The following ETV7 variants were observed in gnomAD, a reference collection of about 807,000 sequenced individuals.
ETV7 encodes the protein transcription factor ETV7.
A neutral mutation model predicts 39.1 loss-of-function variants in ETV7; 43 were observed. That is an observed-to-expected ratio of 1.10 (90% CI 0.86 to 1.42). ETV7 has a LOEUF of 1.42. Ranked by LOEUF, ETV7 falls within the 40% of genes most tolerant of loss-of-function variation. ETV7 has a pLI of 0.00. For missense variants in ETV7, 432 were observed against 442.3 expected (o/e 0.98, Z 0.21); for synonymous variants, 196 against 176.6 (o/e 1.11, Z -0.87).
chr6:36,366,813 G>A, intron 7 of ETV7, 51 bp from the exon 8 acceptor site: 1 of 1,612,836 alleles, frequency 6.2e-7, no homozygotes, highest in East Asian at 2.2e-5. Flanking sequence ...GCTGCAGGGG[G>A]ATTCCAGCCC....
At chr6:36,363,091 C>T (rs1462589152), downstream of ETV7, among the ~76,000 whole-genome samples, 2 of 150,486 alleles carry the variant, frequency 1.3e-5, no homozygotes, top group African/African-American at 5.0e-5. Context: ...TTTCGACAGT[C>T]CCTCCTAAGC....
intron 5 of ETV7, among the ~76,000 whole-genome samples, chr6:36,370,147 G>T (rs1195286336): frequency 6.6e-6 from 1 of 152,142 alleles, no homozygotes; most frequent in Non-Finnish European, 1.5e-5. Flanking sequence ...CCACTCTGTG[G>T]CTTCATAGAA....
intron 6 of ETV7, among the ~76,000 whole-genome samples, chr6:36,367,265 A>G (rs1772773651): frequency 6.6e-6 from 1 of 152,168 alleles, no homozygotes; most frequent in Admixed American, 6.5e-5. Context: ...CAACATGGTG[A>G]AACCCTGTCT....
At chr6:36,356,537 C>A (rs770237602) in intron 7 of ETV7, among the ~76,000 whole-genome samples, 3 of 152,132 alleles carry the variant, frequency 2.0e-5, no homozygotes, top group Non-Finnish European at 4.4e-5. Flanking sequence ...TGGCAGAAGA[C>A]ACAGCTGCCA....
exon 8 of ETV7, chr6:36,354,614 T>C: frequency 1.4e-6 from 1 of 693,332 alleles, no homozygotes; most frequent in Admixed American, 2.1e-5. Flanking sequence ...TTTGTTTTTC[T>C]TTCCAAGACT....
intron 7 of ETV7, among the ~76,000 whole-genome samples, chr6:36,357,011 A>G (rs1401288560): frequency 6.6e-6 from 1 of 152,216 alleles, no homozygotes; most frequent in Non-Finnish European, 1.5e-5. Context: ...TGGAGTTTTG[A>G]TGGGAAGTTG....
chr6:36,375,734 C>T (rs989766275), intron 3 of ETV7, 137 bp downstream of exon 3: 3 of 1,363,164 alleles, frequency 2.2e-6, no homozygotes, highest in Non-Finnish European at 2.0e-6. Context: ...TGCAGAGGGG[C>T]ATCTGCAGTG....
chr6:36,372,266 A>T (rs1009670352), intron 4 of ETV7, among the ~76,000 whole-genome samples: 1 of 152,104 alleles, frequency 6.6e-6, no homozygotes, highest in Non-Finnish European at 1.5e-5. Flanking sequence ...AGCATCTCAG[A>T]CTTGTCCAGT....
downstream of ETV7, among the ~76,000 whole-genome samples, chr6:36,363,582 A>G (rs779993883): frequency 5.9e-5 from 9 of 152,256 alleles, no homozygotes; most frequent in African/African-American, 2.2e-4. Context: ...GAGCAAAAGA[A>G]CAAAGCTCCC....
At chr6:36,369,883 C>T (rs1772922597) in intron 5 of ETV7, among the ~76,000 whole-genome samples, 1 of 149,004 alleles carries the variant, frequency 6.7e-6, no homozygotes, top group Non-Finnish European at 1.5e-5. Flanking sequence ...TCCAGCCTGG[C>T]AACAGAGTGA....
At chr6:36,371,653 C>A (rs1315857884) in intron 4 of ETV7, 93 bp from the exon 5 acceptor site, 6 of 1,124,186 alleles carry the variant, frequency 5.3e-6, no homozygotes, top group African/African-American at 1.5e-5. Context: ...CCCTGTGGGG[C>A]AGCACTCCTG....
intron 2 of ETV7, among the ~76,000 whole-genome samples, chr6:36,376,294 C>T (rs1301764320): frequency 6.6e-6 from 1 of 152,164 alleles, no homozygotes; most frequent in Non-Finnish European, 1.5e-5. Context: ...TTGGTACCTC[C>T]CCACCACCTG....
chr6:36,376,653 G>A (rs2127396140), intron 2 of ETV7, among the ~76,000 whole-genome samples: 1 of 152,218 alleles, frequency 6.6e-6, no homozygotes. Context: ...GCATGCACCT[G>A]TAGTCCCAGC....
chr6:36,375,881 C>T lies in ETV7; in HGVS notation c.297G>A (p.Ala99=), dbSNP rs138350746. 236 of 1,614,044 alleles carry T rather than the reference C, an allele frequency of 1.5e-4. No individual in the cohort carries two copies. The highest frequency in any genetic ancestry group is 4.9e-4 in the Middle Eastern group (3 of 6,062). Reference sequence around the variant, plus strand: ...GTGCGTTTCCCTGACCTGAGCTGGGCGCACGGTGCCGGAAGTCGTCCTTGG... The same window carrying T: ...GTGCGTTTCCCTGACCTGAGCTGGGTGCACGGTGCCGGAAGTCGTCCTTGG... The part of the protein sequence containing the change: ...ILTKDDFRHR[A]PSSGDVLYEL... Residue 99 remains alanine (A), a synonymous_variant, in exon 3 of 8, where the codon GCG becomes GCA. Transcript: ENST00000340181.
chr6:36,377,255 G>A (rs1773423959), intron 2 of ETV7, among the ~76,000 whole-genome samples: 1 of 152,172 alleles, frequency 6.6e-6, no homozygotes, highest in Non-Finnish European at 1.5e-5. Context: ...GAGCCCAGGA[G>A]TTTGAGACCA....
Position 36,373,594 on chromosome 6 carries a change from A to T in ETV7, c.308-16T>A. 11 of 357,920 alleles carry T rather than the reference A, an allele frequency of 3.1e-5. No homozygotes were observed. The highest frequency in any genetic ancestry group is 6.3e-5 in the African/African-American group (2 of 31,828). The allele number at this position is 357,920 out of a possible 1,614,324, so 22.2% of individuals were successfully genotyped here. A position where few individuals can be genotyped will look rare whatever the true frequency, so the allele number is the denominator to read the frequency against. ...AGGACGTCACCTGGAGGTGGGTGGG[A>T]GGGAGGGCAGGCTGCTGAACAGGCC... is the stretch of plus-strand genomic sequence containing the variant. On this transcript the variant is annotated splice_polypyrimidine_tract_variant and intron_variant, in intron 3 of 7. Coordinates refer to ENST00000340181, the MANE Select transcript of ETV7 (RefSeq NM_016135.4).
At chr6:36,376,328 G>C (rs1483308069) in intron 2 of ETV7, among the ~76,000 whole-genome samples, 1 of 152,214 alleles carries the variant, frequency 6.6e-6, no homozygotes, top group Non-Finnish European at 1.5e-5. Flanking sequence ...CATTCAACAA[G>C]TGTTTAACGA....
At chr6:36,387,513 G>A in intron 1 of ETV7, 23 bp downstream of exon 1, 1 of 1,614,068 alleles carries the variant, frequency 6.2e-7, no homozygotes, top group Non-Finnish European at 8.5e-7. Context: ...TGCGCGCTGC[G>A]TGTTCAGCCG....
chr6:36,383,668 A>G (rs1199231285), intron 2 of ETV7, among the ~76,000 whole-genome samples: 1 of 152,204 alleles, frequency 6.6e-6, no homozygotes, highest in Non-Finnish European at 1.5e-5. Flanking sequence ...GAAAAGTCGA[A>G]TCTTCATTTG....
Sources: allele counts gnomAD v4.1 joint callset (sites outside exome capture counted in the v4.1 genomes callset), GRCh38; gene constraint gnomAD v4.1.1; transcripts MANE v1.5; gene names NCBI Gene and HGNC (gene_info 2026-07-23, HGNC 2026-07-21).